Variants in F5 observed in about 807,000 individuals in gnomAD.
F5 encodes the protein coagulation factor V.
A neutral mutation model predicts 216.4 loss-of-function variants in F5; 138 were observed. That is an observed-to-expected ratio of 0.64 (90% CI 0.56 to 0.73). The LOEUF (loss-of-function observed/expected upper bound fraction) is 0.73. Among genes scored for constraint, F5 ranks in the 30% least tolerant of loss-of-function variants. The pLI is 0.00. For synonymous variants in F5, 916 were observed against 930.7 expected (o/e 0.98, Z 0.29); for missense variants, 2,403 against 2,674.0 (o/e 0.90, Z 2.24).
At chr1:169,580,394 T>TG (rs2101845556) in intron 2 of F5, among the ~76,000 whole-genome samples, 1 of 150,894 alleles carries the variant, frequency 6.6e-6, no homozygotes, top group East Asian at 1.9e-4. Flanking sequence ...TGTTGTTTTT[T>TG]TTTTTTTGAG....
chr1:169,522,023 A>G (rs1659321858), intron 21 of F5, among the ~76,000 whole-genome samples: 1 of 152,126 alleles, frequency 6.6e-6, no homozygotes, highest in Non-Finnish European at 1.5e-5. Context: ...ATCACTACAA[A>G]CATGAAAAAG....
In F5 at chr1:169,544,309, T is replaced by C; in HGVS notation, c.1962A>G (p.Thr654=). The change falls in exon 12 of 25, where the codon ACA becomes ACG. Residue 654 remains threonine (T), a synonymous_variant. Coordinates refer to ENST00000367797, the MANE Select transcript of F5 (RefSeq NM_000130.5). ...ACTCTTACTCACCAACATTATCCAT[T>C]GTGACCGTCACAGATTCTCCACGCA... is the stretch of plus-strand genomic sequence containing the variant. ...FPMRGESVTV[T]MDNVGTWMLT... The C allele has an allele frequency of 1.2e-6, 2 of 1,613,976 alleles. No homozygotes were observed. Among genetic ancestry groups the C allele is most frequent in the Non-Finnish European group, 1.7e-6 (2 of 1,179,906 alleles).
rs1659854616 is a variant in F5, at chr1:169,541,643, A to C, written c.3447T>G (p.Ser1149=). Residue 1149 remains serine, a synonymous_variant, in exon 13 of 25, where the codon TCT becomes TCG. Transcript: ENST00000367797. ...CAAGCATTTCACTGAGCTCTGGAGA[A>C]GAGGATCTGTGACTGGGGTCTGAAG... ...HSTSDPSHRS[S]SPELSEMLEY... 6.2e-7 allele frequency: 1 copy of C among 1,614,056 alleles called. No individual in the cohort carries two copies. The highest frequency in any genetic ancestry group is 1.3e-5 in the African/African-American group (1 of 74,940).
chr1:169,518,166 C>G (rs1467406697), intron 23 of F5, among the ~76,000 whole-genome samples: 1 of 152,042 alleles, frequency 6.6e-6, no homozygotes, highest in Non-Finnish European at 1.5e-5. Context: ...AATTAATTTG[C>G]TTATTATTGG....
rs751255163 is a variant in F5 at position 169,541,956 on chromosome 1, G to A, written c.3134C>T (p.Pro1045Leu). The change falls in exon 13 of 25, where the codon CCG (proline) becomes CTG (leucine). Residue 1045 changes from proline (P) to leucine (L), a missense_variant. By Grantham distance (98) the Pro-to-Leu change is moderately conservative (BLOSUM62 -3). This residue lies in a region of F5 where 1,425 missense variants were observed against 1,554.8 expected (regional missense o/e 0.92). Coordinates refer to ENST00000367797, the MANE Select transcript of F5 (RefSeq NM_000130.5). ...EKHTHHAPLS[P>L]RTFHPLRSEA... ...ACTTCTTAGAGGGTGAAAGGTCCTC[G>A]GAGATAAAGGAGCATGGTGTGTGTG... 30 of 1,613,920 alleles carry A rather than the reference G, an allele frequency of 1.9e-5. No individual in the cohort carries two copies. Among genetic ancestry groups the A allele is most frequent in the African/African-American group, 8.0e-5 (6 of 74,900 alleles).
At position 169,586,129 on chromosome 1, in the gene F5, T is replaced by TAAA. The variant is rs372224504; in HGVS notation, c.158+97_158+99dup. On this transcript the variant is annotated intron_variant, in intron 1 of 24. Coordinates refer to ENST00000367797, the MANE Select transcript of F5 (RefSeq NM_000130.5). ...TTAGTTATATTTACTTACCTGAAGTTAAAAAAAAAAAAAGCCATGACATTG... is the reference window on the plus strand; with the variant it reads ...TTAGTTATATTTACTTACCTGAAGTTAAAAAAAAAAAAAAAAGCCATGACATTG... 2,211 of 1,248,148 alleles carry TAAA rather than the reference T, an allele frequency of 1.8e-3. 30 individuals are homozygous for TAAA. In the African/African-American group the frequency reaches 0.032, roughly 18 times the overall value. The allele number at this position is 1,248,148 out of a possible 1,614,324, so 77.3% of individuals were successfully genotyped here. A position where few individuals can be genotyped will look rare whatever the true frequency, so the allele number is the denominator to read the frequency against.
chr1:169,542,272 A>T lies in F5; in HGVS notation c.2818T>A (p.Ser940Thr). The change falls in exon 13 of 25, where the codon TCT becomes ACT. Residue 940 changes from serine (S) to threonine (T), a missense_variant. Ser to Thr is a moderately conservative substitution (Grantham distance 58). Coordinates refer to ENST00000367797, the MANE Select transcript of F5 (RefSeq NM_000130.5). The part of the protein sequence containing the change: ...DLLLLKQSNS[S>T]KILVGRWHLA... ...TGCCATCTCCCAACCAAAATCTTAGATGAGTTACTTTGTTTTAAGAGTAAC... is the reference window on the plus strand; with the variant it reads ...TGCCATCTCCCAACCAAAATCTTAGTTGAGTTACTTTGTTTTAAGAGTAAC... The T allele has an allele frequency of 6.2e-7, 1 of 1,614,102 alleles. No individual in the cohort carries two copies. The highest frequency in any genetic ancestry group is 1.1e-5 in the South Asian group (1 of 91,082).
intron 8 of F5, 52 bp downstream of exon 8, chr1:169,552,505 A>G: frequency 6.8e-7 from 1 of 1,467,244 alleles, no homozygotes; most frequent in South Asian, 1.2e-5. Flanking sequence ...CAGGTACTCC[A>G]TAATATTTTA....
intron 14 of F5, 71 bp downstream of exon 14, chr1:169,536,435 C>A: frequency 7.7e-7 from 1 of 1,302,884 alleles, no homozygotes; most frequent in Non-Finnish European, 1.1e-6. Context: ...CTCTTGCCAC[C>A]TGCACCTTTA....
At chr1:169,526,098 A>C (rs1659443580) in intron 17 of F5, 81 bp from the exon 18 acceptor site, 4 of 961,814 alleles carry the variant, frequency 4.2e-6, no homozygotes, top group Non-Finnish European at 5.0e-6. Context: ...GAATCCTAAA[A>C]TTCCTGCTTC....
chr1:169,549,938 CA>C lies in F5; in HGVS notation c.1473del (p.Asp491GlufsTer11). Reference sequence around the variant, plus strand: ...CACTGGGCATCATTTTCTGTGGGTTCATCAAACTCTAAGATGTTCCACTTAT... The same window carrying C: ...CACTGGGCATCATTTTCTGTGGGTTCTCAAACTCTAAGATGTTCCACTTAT... ...YTYKWNILEF[D>X]EPTENDAQCL... On this transcript the variant is annotated frameshift_variant, in exon 10 of 25. Coordinates refer to ENST00000367797, the MANE Select transcript of F5 (RefSeq NM_000130.5). LOFTEE classifies it high-confidence loss of function. The C allele has an allele frequency of 6.2e-7, 1 of 1,614,110 alleles. No individual in the cohort carries two copies. Among genetic ancestry groups the C allele is most frequent in the Non-Finnish European group, 8.5e-7 (1 of 1,180,012 alleles).
chr1:169,541,584 T>A lies in F5; in HGVS notation c.3506A>T (p.Asp1169Val). 2 of 1,614,146 alleles carry A rather than the reference T, an allele frequency of 1.2e-6. No individual in the cohort carries two copies. Among genetic ancestry groups the A allele is most frequent in the Non-Finnish European group, 1.7e-6 (2 of 1,180,002 alleles). ...YDRSHKSFPT[D>V]ISQMSPSSEH... is the part of the protein sequence containing the mutation. ...TGAGGAAGGGGACATTTGACTTATA[T>A]CTGTGGGGAAGGACTTGTGACTTCG... Residue 1169 changes from aspartate (D) to valine (V), a missense_variant, in exon 13 of 25, where the codon GAT becomes GTT. This residue lies in a region of F5 where 1,425 missense variants were observed against 1,554.8 expected (regional missense o/e 0.92). Coordinates refer to ENST00000367797, the MANE Select transcript of F5 (RefSeq NM_000130.5).
intron 23 of F5, 37 bp from the exon 24 acceptor site, chr1:169,515,663 G>A (rs1420253912): frequency 2.5e-6 from 4 of 1,601,850 alleles, no homozygotes; most frequent in Middle Eastern, 1.7e-4. Flanking sequence ...TAAGGAAGAT[G>A]TTAAAACCTT....
At chr1:169,572,773 C>G (rs1660755778) in intron 2 of F5, among the ~76,000 whole-genome samples, 1 of 152,156 alleles carries the variant, frequency 6.6e-6, no homozygotes, top group Non-Finnish European at 1.5e-5. Flanking sequence ...AATCACACAG[C>G]TCTCTGGCTC....
At chr1:169,561,773 G>A (rs1484097364) in intron 3 of F5, among the ~76,000 whole-genome samples, 2 of 152,082 alleles carry the variant, frequency 1.3e-5, no homozygotes, top group Non-Finnish European at 2.9e-5. Context: ...CAGTGTGGAT[G>A]TAGGCAGACA....
At position 169,544,300 on chromosome 1, in the gene F5, A is replaced by C; in HGVS notation, c.1971T>G (p.Asn657Lys). 6.2e-7 allele frequency: 1 copy of C among 1,613,774 alleles called. No homozygotes were observed. The highest frequency in any genetic ancestry group is 8.5e-7 in the Non-Finnish European group (1 of 1,179,804). The stretch of plus-strand genomic sequence containing the variant: ...AGTGTCCAGACTCTTACTCACCAAC[A>C]TTATCCATTGTGACCGTCACAGATT... Reference protein sequence around the residue: ...RGESVTVTMDNVGTWMLTSMN... With the variant: ...RGESVTVTMDKVGTWMLTSMN... Residue 657 changes from asparagine (N) to lysine (K), a missense_variant, in exon 12 of 25, where the codon AAT (asparagine) becomes AAG (lysine). Transcript: ENST00000367797.
In F5 at chr1:169,541,205, A is replaced by G. The variant is rs763709205; in HGVS notation, c.3885T>C (p.Ser1295=). ...LSLDFSQTNL[S]PELSHMTLSP... ...AGAGAGTCATATGGCTGAGTTCTGGAGAGAGGTTTGTCTGGCTGAAGTCTA... is the reference window on the plus strand; with the variant it reads ...AGAGAGTCATATGGCTGAGTTCTGGGGAGAGGTTTGTCTGGCTGAAGTCTA... Residue 1295 remains serine, a synonymous_variant, in exon 13 of 25, where the codon TCT becomes TCC. Coordinates refer to ENST00000367797, the MANE Select transcript of F5 (RefSeq NM_000130.5). 3 of 1,590,200 alleles carry G rather than the reference A, an allele frequency of 1.9e-6. No homozygotes were observed. In the South Asian group the frequency reaches 3.4e-5, roughly 18 times the overall value.
rs779469373 is a variant in F5, at chr1:169,518,582, C to T, written c.6194-19G>A. The T allele has an allele frequency of 2.4e-5, 39 of 1,613,144 alleles. No homozygotes were observed. Among genetic ancestry groups the T allele is most frequent in the Admixed American group, 3.3e-5 (2 of 59,950 alleles). ...GAACATCCTATCAAAAGAAAAGTAA[C>T]GTGATTAATTACACACCAATATTCC... is the stretch of plus-strand genomic sequence containing the variant. On this transcript the variant is annotated intron_variant, in intron 22 of 24. Coordinates refer to ENST00000367797, the MANE Select transcript of F5 (RefSeq NM_000130.5).
intron 16 of F5, 52 bp from the exon 17 acceptor site, chr1:169,528,146 G>A: frequency 6.2e-7 from 1 of 1,606,116 alleles, no homozygotes; most frequent in East Asian, 2.2e-5. Flanking sequence ...CACAGAGAGG[G>A]CGAGTGGTAA....
Sources: allele counts gnomAD v4.1 joint callset (sites outside exome capture counted in the v4.1 genomes callset), GRCh38; gene constraint gnomAD v4.1.1; regional missense constraint gnomAD v4.1.1; transcripts MANE v1.5; gene names NCBI Gene and HGNC (gene_info 2026-07-23, HGNC 2026-07-21).